Variants in ABCA6 observed in about 807,000 individuals in gnomAD.
The protein encoded by ABCA6 is ATP binding cassette subfamily A member 6.
ABCA6 carries 164 observed loss-of-function variants against 191.2 expected under a neutral mutation model. The observed-to-expected ratio is 0.86, with a 90% CI of 0.76 to 0.98. The LOEUF is 0.98. Among genes scored for constraint, ABCA6 ranks in the 50% least tolerant of loss-of-function variants. The probability of loss-of-function intolerance (pLI) is 0.00; values close to 1 mark genes in which losing one functional copy is unlikely to be tolerated. For synonymous variants in ABCA6, 636 were observed against 647.7 expected (o/e 0.98, Z 0.27); for missense variants, 1,958 against 1,894.1 (o/e 1.03, Z -0.63).
At chr17:69,128,923 G>C in intron 7 of ABCA6, 119 bp from the exon 8 acceptor site, 1 of 781,396 alleles carries the variant, frequency 1.3e-6, no homozygotes, top group Non-Finnish European at 2.0e-6. Context: ...CAGTGAGAAA[G>C]TGGTGAAAAT....
At chr17:69,102,098 C>A (rs936191928) in intron 21 of ABCA6, among the ~76,000 whole-genome samples, 1 of 152,152 alleles carries the variant, frequency 6.6e-6, no homozygotes, top group African/African-American at 2.4e-5. Flanking sequence ...GTAATCCCAG[C>A]ATTTTGGGAG....
chr17:69,087,891 T>C (rs1419724652), intron 28 of ABCA6, among the ~76,000 whole-genome samples: 1 of 152,210 alleles, frequency 6.6e-6, no homozygotes, highest in Non-Finnish European at 1.5e-5. Flanking sequence ...CCATCTTTTC[T>C]TTTCAAGGAT....
At chr17:69,128,546 G>T in intron 8 of ABCA6, 73 bp downstream of exon 8, 2 of 1,179,702 alleles carry the variant, frequency 1.7e-6, no homozygotes, top group Non-Finnish European at 2.3e-6. Flanking sequence ...TTTGAGTAGT[G>T]CTGATCCTAC....
chr17:69,112,207 CT>C lies in ABCA6; in HGVS notation c.2107del (p.Arg703GlyfsTer8). On this transcript the variant is annotated frameshift_variant, in exon 16 of 39. Coordinates refer to ENST00000284425, the MANE Select transcript of ABCA6 (RefSeq NM_080284.3). LOFTEE classifies it high-confidence loss of function. ...CAGSSMFLKRRWGLGYHLSLH... is the reference protein window; with the variant it reads ...CAGSSMFLKRXWGLGYHLSLH... Reference sequence around the variant, plus strand: ...CCTTAGGTGATATCCAAGACCCCACCTTCTTTTCAAAAACATAGAAGAACCT... The same window carrying C: ...CCTTAGGTGATATCCAAGACCCCACCTCTTTTCAAAAACATAGAAGAACCT... The C allele has an allele frequency of 6.2e-7, 1 of 1,612,460 alleles. No individual in the cohort carries two copies. The highest frequency in any genetic ancestry group is 8.5e-7 in the Non-Finnish European group (1 of 1,178,958).
intron 6 of ABCA6, 56 bp downstream of exon 6, chr17:69,133,585 C>A: frequency 7.8e-7 from 1 of 1,289,680 alleles, no homozygotes; most frequent in Non-Finnish European, 1.1e-6. Context: ...AACACTTTTT[C>A]ACTGCTTCTT....
chr17:69,105,882 T>G (rs2073290674), intron 19 of ABCA6, 146 bp downstream of exon 19: 2 of 890,998 alleles, frequency 2.2e-6, no homozygotes, highest in East Asian at 5.3e-5. Context: ...CATACAGGTA[T>G]TCCCACTGTC....
At position 69,128,704 on chromosome 17, in the gene ABCA6, G is replaced by T. The variant is rs1167993008; in HGVS notation, c.1034C>A (p.Thr345Asn). Residue 345 changes from threonine (T) to asparagine (N), a missense_variant, in exon 8 of 39, where the codon ACT becomes AAT. Coordinates refer to ENST00000284425, the MANE Select transcript of ABCA6 (RefSeq NM_080284.3). ...TGAAGGAAGTTGTTCATAAAATACA[G>T]TGAATCCCAGACATCCCCAAAAGAG... ...LTLFWGCLGFTVFYEQLPSSL... is the reference protein window; with the variant it reads ...LTLFWGCLGFNVFYEQLPSSL... 1 of 1,613,176 alleles carries T rather than the reference G, an allele frequency of 6.2e-7. No individual in the cohort carries two copies. The highest frequency in any genetic ancestry group is 8.5e-7 in the Non-Finnish European group (1 of 1,179,480).
intron 29 of ABCA6, 128 bp from the exon 30 acceptor site, chr17:69,086,863 G>T: frequency 1.7e-6 from 1 of 593,544 alleles, no homozygotes; most frequent in Non-Finnish European, 3.0e-6. Flanking sequence ...GCTGCTAAAT[G>T]TAATATGCAT....
intron 25 of ABCA6, chr17:69,095,479 T>G (rs936021963): frequency 1.3e-5 from 2 of 152,234 alleles, no homozygotes; most frequent in Non-Finnish European, 2.9e-5. Context: ...AGTCCCAGAC[T>G]AATTTCTTGT....
chr17:69,129,688 G>T lies in ABCA6; in HGVS notation c.855C>A (p.Ile285=). ...TGACTATAATTTGGGTGAATGTTAT[G>T]ATAATTGTAACGAATATGGAAATAA... ...IFIISIFVTI[I]ITFTQIIVMT... is the part of the protein sequence containing the mutation. Residue 285 remains isoleucine (I), a synonymous_variant, in exon 7 of 39, where the codon ATC becomes ATA. Coordinates refer to ENST00000284425, the MANE Select transcript of ABCA6 (RefSeq NM_080284.3). The T allele has an allele frequency of 6.2e-7, 1 of 1,604,916 alleles. No individual in the cohort carries two copies. The highest frequency in any genetic ancestry group is 1.1e-5 in the South Asian group (1 of 90,594).
At chr17:69,115,533 A>G (rs1216832136) in intron 11 of ABCA6, 47 bp from the exon 12 acceptor site, 1 of 1,465,774 alleles carries the variant, frequency 6.8e-7, no homozygotes, top group Non-Finnish European at 9.4e-7. Context: ...GTATAAACAG[A>G]AAGGCATTAG....
intron 25 of ABCA6, chr17:69,094,540 C>A: frequency 6.4e-6 from 1 of 155,968 alleles, no homozygotes; most frequent in East Asian, 1.7e-4. Context: ...TTTTCCAACC[C>A]AAAGCATCAC....
intron 10 of ABCA6, 152 bp from the exon 11 acceptor site, chr17:69,118,108 A>AT: frequency 2.1e-6 from 1 of 476,094 alleles, no homozygotes; most frequent in Non-Finnish European, 3.8e-6. Flanking sequence ...AAAAAACCCT[A>AT]TTTTTGATTA....
chr17:69,084,564 G>T, intron 32 of ABCA6, 57 bp from the exon 33 acceptor site: 1 of 1,508,742 alleles, frequency 6.6e-7, no homozygotes, highest in Non-Finnish European at 9.2e-7. Flanking sequence ...GAAAATCCAA[G>T]CACACAGAAC....
At position 69,085,063 on chromosome 17, in the gene ABCA6, C is replaced by A. The variant is rs779701262; in HGVS notation, c.4149G>T (p.Gly1383=). ...EHLEVYAAVK[G]LRKADARLAI... is the part of the protein sequence containing the mutation. Reference sequence around the variant, plus strand: ...CGAGCCTCGCGTCCGCTTTCCTGAGCCCCTTGACGGCAGCATACACCTCCA... The same window carrying A: ...CGAGCCTCGCGTCCGCTTTCCTGAGACCCTTGACGGCAGCATACACCTCCA... The change falls in exon 32 of 39, where the codon GGG becomes GGT. Residue 1383 remains glycine (G), a synonymous_variant. Coordinates refer to ENST00000284425, the MANE Select transcript of ABCA6 (RefSeq NM_080284.3). 1 of 1,613,172 alleles carries A rather than the reference C, an allele frequency of 6.2e-7. No individual in the cohort carries two copies. The highest frequency in any genetic ancestry group is 8.5e-7 in the Non-Finnish European group (1 of 1,179,782).
chr17:69,088,544 C>T (rs1010024833), intron 27 of ABCA6, among the ~76,000 whole-genome samples: 2 of 152,192 alleles, frequency 1.3e-5, no homozygotes, highest in African/African-American at 4.8e-5. Context: ...CCACCCAGGC[C>T]TAGGTCATTA....
intron 9 of ABCA6, 151 bp downstream of exon 9, chr17:69,124,737 G>A (rs2073716769): frequency 5.0e-6 from 2 of 403,030 alleles, no homozygotes; most frequent in Admixed American, 9.1e-5. Flanking sequence ...AATTTCATTA[G>A]ACCATTAGAA....
At chr17:69,119,082 AG>A (rs1349845434) in intron 10 of ABCA6, among the ~76,000 whole-genome samples, 12 of 152,222 alleles carry the variant, frequency 7.9e-5, no homozygotes, top group African/African-American at 2.9e-4. Context: ...CAGAGTTCAC[AG>A]AAAAAAGATT....
At chr17:69,136,272 T>C in intron 3 of ABCA6, 22 bp from the exon 4 acceptor site, 5 of 1,461,260 alleles carry the variant, frequency 3.4e-6, no homozygotes, top group South Asian at 1.5e-5. Flanking sequence ...AAGGTAAAAA[T>C]AGACATAGAA....
Sources: gnomAD v4.1 joint callset for allele counts (sites outside exome capture counted in the v4.1 genomes callset) on GRCh38, gnomAD v4.1.1 for gene constraint, MANE v1.5 for transcripts, NCBI Gene and HGNC (gene_info 2026-07-23, HGNC 2026-07-21) for gene names.